CD72: variants seen among roughly 807,000 people sequenced by gnomAD.
CD72 encodes the protein B-cell differentiation antigen CD72.
Under a neutral mutation model 50.7 loss-of-function variants are expected in CD72, and 28 were observed. That is an observed-to-expected ratio of 0.55 (90% CI 0.41 to 0.76). The LOEUF (loss-of-function observed/expected upper bound fraction) is 0.76, where lower values mean the gene tolerates loss of function less well. Ranked by LOEUF, CD72 falls within the 30% of genes least tolerant of loss-of-function variation. The pLI is 0.00. For synonymous variants in CD72, 176 were observed against 171.2 expected, an observed-to-expected ratio of 1.03 and a Z score of -0.22; for missense variants, 403 against 420.6, an observed-to-expected ratio of 0.96 and a Z score of 0.37.
upstream of CD72, chr9:35,618,540 C>T (rs771989694): frequency 7.0e-5 from 66 of 946,014 alleles, no homozygotes; most frequent in Admixed American, 1.1e-3. Context: ...ACGGAGGGGA[C>T]GCTGAGGTCC....
intron 5 of CD72, 63 bp downstream of exon 5, chr9:35,615,880 T>C (rs1034376236): frequency 7.5e-7 from 1 of 1,333,608 alleles, no homozygotes; most frequent in Non-Finnish European, 1.1e-6. Context: ...GATAGACTCC[T>C]GCCACTACTA....
At chr9:35,617,355 G>A in intron 2 of CD72, 108 bp from the exon 3 acceptor site, 3 of 1,285,142 alleles carry the variant, frequency 2.3e-6, no homozygotes, top group East Asian at 5.1e-5. Context: ...TCTGCCCTAC[G>A]TTGCCTGCTA....
chr9:35,614,565 G>C (rs1035430651), intron 5 of CD72, among the ~76,000 whole-genome samples: 1 of 152,196 alleles, frequency 6.6e-6, no homozygotes, highest in African/African-American at 2.4e-5. Flanking sequence ...AGGTTGCCAG[G>C]CAGTGCTGAG....
At chr9:35,636,790 G>A (rs1823294612) in intron 1 of CD72, among the ~76,000 whole-genome samples, 1 of 152,176 alleles carries the variant, frequency 6.6e-6, no homozygotes, top group African/African-American at 2.4e-5. Flanking sequence ...GGATCCTGAA[G>A]TCCCACATAG....
chr9:35,631,518 T>G (rs1823245813), intron 1 of CD72, among the ~76,000 whole-genome samples: 1 of 152,226 alleles, frequency 6.6e-6, no homozygotes, highest in African/African-American at 2.4e-5. Flanking sequence ...TAGAGTTTTT[T>G]TGGGAATAGT....
chr9:35,617,047 C>A, intron 3 of CD72, 129 bp downstream of exon 3: 1 of 1,474,564 alleles, frequency 6.8e-7, no homozygotes. Flanking sequence ...GCACGGCAGC[C>A]CGGGCGTCGG....
At chr9:35,625,746 T>C (rs75340738) in intron 1 of CD72, among the ~76,000 whole-genome samples, 3,840 of 152,322 alleles carry the variant, frequency 0.025, 149 homozygotes, top group African/African-American at 0.081. Flanking sequence ...AGTGCTCATT[T>C]ACCATTCTCA....
At chr9:35,617,349 C>A in intron 2 of CD72, 102 bp from the exon 3 acceptor site, 1 of 1,305,700 alleles carries the variant, frequency 7.7e-7, no homozygotes. Context: ...CTCCAGTCTG[C>A]CCTACGTTGC....
At chr9:35,632,917 A>G (rs953643417) in intron 1 of CD72, among the ~76,000 whole-genome samples, 10 of 142,784 alleles carry the variant, frequency 7.0e-5, no homozygotes, top group African/African-American at 2.6e-4. Context: ...GGATTTATTT[A>G]TCCTTTTTAG....
upstream of CD72, chr9:35,618,521 AGAGGGGCCACG>A: frequency 8.4e-7 from 1 of 1,184,458 alleles, no homozygotes; most frequent in Non-Finnish European, 1.2e-6. Context: ...GGCCAGGGCC[AGAGGGGCCACG>A]GAGGGGACGC....
chr9:35,616,919 A>C, intron 3 of CD72: 1 of 1,333,642 alleles, frequency 7.5e-7, no homozygotes, highest in Non-Finnish European at 1.0e-6. Flanking sequence ...GTTACCTGGG[A>C]GAAGGGGAAG....
rs1823101302 is a variant in CD72, at chr9:35,618,352, C to T, written c.-49G>A. Reference sequence around the variant, plus strand: ...CTCGTCTTCCCTGTCATCCACTGTCCTCCCTTGCCCCTCTCGTCTCTGTCC... The same window carrying T: ...CTCGTCTTCCCTGTCATCCACTGTCTTCCCTTGCCCCTCTCGTCTCTGTCC... On this transcript the variant is annotated 5_prime_UTR_variant, in exon 1 of 9. Coordinates refer to ENST00000259633, the MANE Select transcript of CD72 (RefSeq NM_001782.3). 6.2e-7 allele frequency: 1 copy of T among 1,612,090 alleles called. No individual in the cohort carries two copies.
chr9:35,611,771 G>A, intron 7 of CD72, 33 bp downstream of exon 7: 1 of 1,161,016 alleles, frequency 8.6e-7, no homozygotes, highest in Non-Finnish European at 1.3e-6. Flanking sequence ...GGATTATGGA[G>A]TTGAAAATAC....
intron 5 of CD72, 39 bp from the exon 6 acceptor site, chr9:35,613,032 G>A (rs2131757476): frequency 2.6e-6 from 4 of 1,562,648 alleles, no homozygotes; most frequent in African/African-American, 1.4e-5. Context: ...CAACAGTTGG[G>A]ATGAAAGTGA....
Position 35,612,956 on chromosome 9 carries a change from T to C in CD72, c.726A>G (p.Lys242=), listed in dbSNP as rs1823009340. Residue 242 remains lysine (K), a synonymous_variant, in exon 6 of 9, where the codon AAA becomes AAG. Coordinates refer to ENST00000259633, the MANE Select transcript of CD72 (RefSeq NM_001782.3). ...CCPSGWIMHQ[K]SCFYISLTSK... ...AAGTAAGTGAGATGTAAAAGCAGCT[T>C]TTCTGATGCATTATCCATCCCGACG... is the stretch of plus-strand genomic sequence containing the variant. 1 of 1,613,796 alleles carries C rather than the reference T, an allele frequency of 6.2e-7. No homozygotes were observed. Among genetic ancestry groups the C allele is most frequent in the Admixed American group, 1.7e-5 (1 of 59,970 alleles).
chr9:35,621,323 C>T (rs1485634646), upstream of CD72, among the ~76,000 whole-genome samples: 1 of 152,112 alleles, frequency 6.6e-6, no homozygotes, highest in African/African-American at 2.4e-5. Context: ...GAGGAGGGGG[C>T]CCAACCATGA....
chr9:35,617,507 C>T (rs1360846940), intron 2 of CD72, among the ~76,000 whole-genome samples: 2 of 152,048 alleles, frequency 1.3e-5, no homozygotes, highest in African/African-American at 4.8e-5. Flanking sequence ...CCTCAGAGGC[C>T]CCTTATCTGT....
Position 35,610,626 on chromosome 9 carries a change from A to C in CD72, c.1078T>G (p.Ter360GluextTer6), listed in dbSNP as rs1448891884. The C allele has an allele frequency of 6.8e-6, 11 of 1,613,706 alleles. No homozygotes were observed. The Admixed American group carries it at 1.8e-4, about 27-fold the overall frequency. ...CCAACTCAGTGCAAAGGACTGTCCT[A>C]ATCTGGAAACCTGAAAGCTGTCATC... ...CEMTAFRFPD[*>E] The change falls in exon 8 of 9, where the codon TAG becomes GAG. Residue 360 changes from the stop codon to glutamate (E), a stop_lost. Transcript: ENST00000259633.
intron 1 of CD72, among the ~76,000 whole-genome samples, chr9:35,632,397 C>G (rs191827172): frequency 3.3e-5 from 5 of 152,100 alleles, no homozygotes; most frequent in Admixed American, 2.0e-4. Context: ...GTCTTGACCT[C>G]CTGACCTCGT....
Sources: gnomAD v4.1 joint callset for allele counts (sites outside exome capture counted in the v4.1 genomes callset) on GRCh38, gnomAD v4.1.1 for gene constraint, MANE v1.5 for transcripts, NCBI Gene and HGNC (gene_info 2026-07-23, HGNC 2026-07-21) for gene names.